The following RXFP1 variants were observed in gnomAD, a reference collection of about 807,000 sequenced individuals.
RXFP1 encodes the protein relaxin family peptide receptor 1, also known as relaxin receptor 1.
A neutral mutation model predicts 89.8 loss-of-function variants in RXFP1; 73 were observed. The observed-to-expected ratio is 0.81, with a 90% CI of 0.67 to 0.99. The LOEUF is 0.99. Ranked by LOEUF, RXFP1 falls within the 50% of genes least tolerant of loss-of-function variation. The pLI is 0.00. For synonymous variants in RXFP1, 277 were observed against 305.5 expected, an observed-to-expected ratio of 0.91 and a Z score of 0.97; for missense variants, 793 against 895.5, an observed-to-expected ratio of 0.89 and a Z score of 1.46.
At chr4:158,559,922 T>C (rs1267807838) in intron 1 of RXFP1, among the ~76,000 whole-genome samples, 1 of 152,248 alleles carries the variant, frequency 6.6e-6, no homozygotes. Context: ...CACCAAGTTA[T>C]AAAATGTTTA....
At chr4:158,548,851 TA>T (rs927990220) in intron 1 of RXFP1, among the ~76,000 whole-genome samples, 1 of 152,228 alleles carries the variant, frequency 6.6e-6, no homozygotes, top group Non-Finnish European at 1.5e-5. Flanking sequence ...CCTTTGTGGG[TA>T]ACCCGACCTT....
intron 1 of RXFP1, among the ~76,000 whole-genome samples, chr4:158,566,919 C>T (rs1042281311): frequency 3.3e-5 from 5 of 152,204 alleles, no homozygotes; most frequent in Non-Finnish European, 5.9e-5. Context: ...GAGCCGGCTC[C>T]CTCAGCTTGC....
chr4:158,571,982 A>G lies in RXFP1; in HGVS notation c.50-716A>G, dbSNP rs563321405. On this transcript the variant is annotated intron_variant, in intron 1 of 17. Transcript: ENST00000307765. Reference sequence around the variant, plus strand: ...GGTAGAAGCCACATTTGCATAATAAAAGATTAGGGTGGGAGGGCCAGTCTT... The same window carrying G: ...GGTAGAAGCCACATTTGCATAATAAGAGATTAGGGTGGGAGGGCCAGTCTT... Among the ~76,000 whole-genome samples the G allele has an allele frequency of 5.4e-4, 82 of 152,176 alleles. 3 individuals carry two copies. Among genetic ancestry groups the G allele is most frequent in the Non-Finnish European group, 1.6e-4 (11 of 68,022 alleles).
chr4:158,605,185 T>C, intron 5 of RXFP1, 46 bp downstream of exon 5: 1 of 1,216,684 alleles, frequency 8.2e-7, no homozygotes, highest in Non-Finnish European at 1.2e-6. Context: ...CTAGCATTTT[T>C]GGCCATGTCT....
chr4:158,550,562 C>T (rs1749847554), intron 1 of RXFP1, among the ~76,000 whole-genome samples: 1 of 152,186 alleles, frequency 6.6e-6, no homozygotes, highest in African/African-American at 2.4e-5. Context: ...GAGCTGTAGA[C>T]CGGAGCTGTT....
chr4:158,592,996 G>A (rs1289784884), intron 2 of RXFP1, among the ~76,000 whole-genome samples: 1 of 151,530 alleles, frequency 6.6e-6, no homozygotes, highest in Non-Finnish European at 1.5e-5. Context: ...GCTGAGGCAG[G>A]AGAATCACTT....
intron 9 of RXFP1, among the ~76,000 whole-genome samples, chr4:158,620,121 C>T (rs1034172232): frequency 1.3e-5 from 2 of 151,886 alleles, no homozygotes; most frequent in Non-Finnish European, 2.9e-5. Context: ...ATAATATGCA[C>T]GAACATAAAG....
intron 2 of RXFP1, among the ~76,000 whole-genome samples, chr4:158,581,140 G>A (rs1757278290): frequency 6.6e-6 from 1 of 152,092 alleles, no homozygotes; most frequent in South Asian, 2.1e-4. Context: ...GGAATATTTG[G>A]TTTTGTCTAA....
intron 15 of RXFP1, among the ~76,000 whole-genome samples, chr4:158,645,733 G>A (rs770422361): frequency 2.0e-5 from 3 of 152,144 alleles, no homozygotes; most frequent in Non-Finnish European, 4.4e-5. Context: ...TTGTAGTCTA[G>A]GTCAAGTGTT....
intron 3 of RXFP1, among the ~76,000 whole-genome samples, chr4:158,593,898 A>G (rs1760028723): frequency 6.6e-6 from 1 of 152,236 alleles, no homozygotes; most frequent in South Asian, 2.1e-4. Flanking sequence ...GTTTGCTAGA[A>G]AAAATTCTTC....
intron 3 of RXFP1, among the ~76,000 whole-genome samples, chr4:158,597,240 C>A (rs568210299): frequency 6.6e-6 from 1 of 152,000 alleles, no homozygotes; most frequent in African/African-American, 2.4e-5. Flanking sequence ...TCATTTTTGA[C>A]TAGAATAATG....
At chr4:158,569,551 A>G (rs1048890372) in intron 1 of RXFP1, among the ~76,000 whole-genome samples, 1 of 152,154 alleles carries the variant, frequency 6.6e-6, no homozygotes, top group African/African-American at 2.4e-5. Context: ...CTTTTGCTCT[A>G]TTTTGCTGTG....
At chr4:158,578,511 G>A (rs1309865427) in intron 2 of RXFP1, among the ~76,000 whole-genome samples, 1 of 152,228 alleles carries the variant, frequency 6.6e-6, no homozygotes, top group African/African-American at 2.4e-5. Context: ...TGCAAGCTCA[G>A]TAGTAAAAAT....
chr4:158,534,317 T>C (rs1269478877), intron 1 of RXFP1, among the ~76,000 whole-genome samples: 3 of 151,668 alleles, frequency 2.0e-5, no homozygotes, highest in African/African-American at 7.3e-5. Context: ...GTGCAATCTC[T>C]GCTCATTGCA....
intron 5 of RXFP1, chr4:158,607,171 A>G (rs943707081): frequency 2.5e-5 from 35 of 1,377,940 alleles, no homozygotes; most frequent in Middle Eastern, 3.5e-4. Flanking sequence ...TGTGGGTGCA[A>G]TGATGCAATA....
At chr4:158,560,513 C>T (rs1343591811) in intron 1 of RXFP1, among the ~76,000 whole-genome samples, 3 of 152,114 alleles carry the variant, frequency 2.0e-5, no homozygotes, top group Admixed American at 1.3e-4. Context: ...CGGAGTTTCT[C>T]GATGTATCAG....
At chr4:158,610,699 G>A (rs1763418947) in intron 6 of RXFP1, 1 of 1,289,614 alleles carries the variant, frequency 7.8e-7, no homozygotes, top group Non-Finnish European at 1.0e-6. Context: ...AGCATAGGGA[G>A]CAATAGTGGA....
At chr4:158,531,953 C>T (rs966637844) in intron 1 of RXFP1, among the ~76,000 whole-genome samples, 4 of 150,946 alleles carry the variant, frequency 2.6e-5, no homozygotes, top group Admixed American at 2.6e-4. Flanking sequence ...GTTTGTTTTA[C>T]ATTTAGGGGG....
intron 2 of RXFP1, among the ~76,000 whole-genome samples, chr4:158,585,057 C>T (rs571246698): frequency 6.6e-6 from 1 of 152,258 alleles, no homozygotes; most frequent in South Asian, 2.1e-4. Context: ...TTTCAAGTTC[C>T]CAGGTGATGC....
Sources: allele counts gnomAD v4.1 joint callset (sites outside exome capture counted in the v4.1 genomes callset), GRCh38; gene constraint gnomAD v4.1.1; transcripts MANE v1.5; gene names NCBI Gene and HGNC (gene_info 2026-07-23, HGNC 2026-07-21).